Variants in RPLP0 observed in about 807,000 individuals in gnomAD.
The protein encoded by RPLP0 is large ribosomal subunit protein uL10.
For synonymous variants in RPLP0, 137 were observed against 153.4 expected (o/e 0.89, Z 0.79); for missense variants, 276 against 402.9 (o/e 0.69, Z 2.70).
chr12:120,199,971 AC>A (rs1879354091), intron 2 of RPLP0: 1 of 451,412 alleles, frequency 2.2e-6, no homozygotes, highest in Non-Finnish European at 4.4e-6. Flanking sequence ...AAAATGTAAT[AC>A]AAGCTATGCT....
chr12:120,199,577 C>A, intron 2 of RPLP0, 92 bp from the exon 3 acceptor site: 1 of 1,320,858 alleles, frequency 7.6e-7, no homozygotes, highest in South Asian at 1.4e-5. Context: ...TGTTTCCATC[C>A]CACTCCCTTT....
chr12:120,200,766 C>T lies in RPLP0; in HGVS notation c.18G>A (p.Arg6=), dbSNP rs1566329119. MPRED[R]ATWKSNYFLK... Reference sequence around the variant, plus strand: ...GGAAGTAGTTGGACTTCCAGGTCGCCCTGTCTTCCCTGGGCATCACGGCGG... The same window carrying T: ...GGAAGTAGTTGGACTTCCAGGTCGCTCTGTCTTCCCTGGGCATCACGGCGG... The change falls in exon 2 of 8, where the codon AGG becomes AGA. Residue 6 remains arginine (R), a synonymous_variant. Coordinates refer to ENST00000392514, the MANE Select transcript of RPLP0 (RefSeq NM_001002.4). The T allele has an allele frequency of 1.2e-6, 2 of 1,611,396 alleles. No homozygotes were observed. Among genetic ancestry groups the T allele is most frequent in the Non-Finnish European group, 1.7e-6 (2 of 1,179,434 alleles).
Position 120,196,952 on chromosome 12 carries a change from G to A in RPLP0, c.793-18C>T. ...GCCTTGACCTGAAAGGAGGGGGGAA[G>A]TGGTCAAAATGGTCATCCACACTCC... is the stretch of plus-strand genomic sequence containing the variant. On this transcript the variant is annotated intron_variant, in intron 7 of 7. Transcript: ENST00000392514. The A allele has an allele frequency of 6.2e-7, 1 of 1,612,986 alleles. No individual in the cohort carries two copies. The highest frequency in any genetic ancestry group is 1.1e-5 in the South Asian group (1 of 90,782).
intron 2 of RPLP0, chr12:120,200,289 CCT>C (rs1183953486): frequency 5.8e-6 from 2 of 344,120 alleles, no homozygotes; most frequent in Non-Finnish European, 1.1e-5. Context: ...ATGGTGAATC[CCT>C]GTCTCTATTG....
At position 120,197,409 on chromosome 12, in the gene RPLP0, T is replaced by G; in HGVS notation, c.705A>C (p.Ala235=). ...CGTTGATGATAGAATGGGGTACTGA[T>G]GCAACAGTTGGGTAGCCAATCTGCA... ...VCLQIGYPTV[A]SVPHSIINGY... The change falls in exon 7 of 8, where the codon GCA becomes GCC. Residue 235 remains alanine (A), a synonymous_variant. Transcript: ENST00000392514. 6.2e-7 allele frequency: 1 copy of G among 1,613,946 alleles called. No homozygotes were observed. Among genetic ancestry groups the G allele is most frequent in the Non-Finnish European group, 8.5e-7 (1 of 1,179,854 alleles).
At position 120,198,358 on chromosome 12, in the gene RPLP0, C is replaced by T; in HGVS notation, c.651+196G>A. 2 of 595,406 alleles carry T rather than the reference C, an allele frequency of 3.4e-6. No individual in the cohort carries two copies. Among genetic ancestry groups the T allele is most frequent in the East Asian group, 3.1e-5 (1 of 32,778 alleles). 36.9% of individuals were successfully genotyped at this position (595,406 alleles called of 1,614,324 possible). On this transcript the variant is annotated intron_variant, in intron 6 of 7. Coordinates refer to ENST00000392514, the MANE Select transcript of RPLP0 (RefSeq NM_001002.4). The surrounding 1 kb of genome is among the most constrained non-coding windows in gnomAD (Gnocchi z 4.1). ...GGGAGATTGTGCCACTGCACTCCAG[C>T]CTGGGCGACACAGCAAGACTCTGTC... is the stretch of plus-strand genomic sequence containing the variant.
Position 120,200,732 on chromosome 12 carries a change from T to C in RPLP0, c.52A>G (p.Ile18Val), listed in dbSNP as rs1280387299. The change falls in exon 2 of 8, where the codon ATC (isoleucine) becomes GTC (valine). Residue 18 changes from isoleucine to valine, a missense_variant and splice_region_variant. Ile to Val is a conservative substitution (Grantham distance 29, BLOSUM62 3). Transcript: ENST00000392514. Reference sequence around the variant, plus strand: ...GAGGCGACCCACCCTGCACTTACGATGATCTTAAGGAAGTAGTTGGACTTC... The same window carrying C: ...GAGGCGACCCACCCTGCACTTACGACGATCTTAAGGAAGTAGTTGGACTTC... ...TWKSNYFLKI[I>V]QLLDDYPKCF... is the part of the protein sequence containing the mutation. The C allele has an allele frequency of 6.2e-7, 1 of 1,611,014 alleles. No individual in the cohort carries two copies. Among genetic ancestry groups the C allele is most frequent in the Non-Finnish European group, 8.5e-7 (1 of 1,179,002 alleles).
At chr12:120,199,711 TC>T (rs1012112219) in intron 2 of RPLP0, 1 of 525,826 alleles carries the variant, frequency 1.9e-6, no homozygotes, top group African/African-American at 1.9e-5. Flanking sequence ...AGGAGTTTTT[TC>T]TTTTTTTACT....
intron 7 of RPLP0, 37 bp from the exon 8 acceptor site, chr12:120,196,971 A>T (rs772429296): frequency 6.2e-7 from 1 of 1,611,810 alleles, no homozygotes; most frequent in Non-Finnish European, 8.5e-7. Context: ...ATGGTCATCC[A>T]CACTCCTCTA....
At chr12:120,200,899 G>A (rs113376574) in intron 1 of RPLP0, 68 bp from the exon 2 acceptor site, 8 of 1,478,954 alleles carry the variant, frequency 5.4e-6, no homozygotes, top group South Asian at 2.7e-5. Context: ...GGCCTAAGAG[G>A]AGCAGGACAC....
intron 1 of RPLP0, 25 bp downstream of exon 1, chr12:120,201,058 G>T: frequency 2.3e-6 from 1 of 442,070 alleles, no homozygotes; most frequent in East Asian, 3.7e-5. Context: ...GCGACCCCTG[G>T]CGCCCATCTA....
At chr12:120,197,483 T>A (rs1282773004) in intron 6 of RPLP0, 21 bp from the exon 7 acceptor site, 1 of 1,612,272 alleles carries the variant, frequency 6.2e-7, no homozygotes, top group South Asian at 1.1e-5. Flanking sequence ...GAAGATTTCA[T>A]TTTACGTGAG....
chr12:120,199,378 C>T lies in RPLP0; in HGVS notation c.162G>A (p.Leu54=). The stretch of plus-strand genomic sequence containing the variant: ...TGCGCATCATGGTGTTCTTGCCCAT[C>T]AGCACCACAGCCTTCCCGCGAAGGG... ...RMSLRGKAVV[L]MGKNTMMRKA... Residue 54 remains leucine, a synonymous_variant, in exon 3 of 8, where the codon CTG becomes CTA. Transcript: ENST00000392514. 7.4e-6 allele frequency: 12 copies of T among 1,614,196 alleles called. No individual in the cohort carries two copies. Among genetic ancestry groups the T allele is most frequent in the Non-Finnish European group, 9.3e-6 (11 of 1,180,044 alleles).
Position 120,198,524 on chromosome 12 carries a change from G to GT in RPLP0, c.651+29dup. 1 of 1,613,326 alleles carries GT rather than the reference G, an allele frequency of 6.2e-7. No individual in the cohort carries two copies. The highest frequency in any genetic ancestry group is 8.5e-7 in the Non-Finnish European group (1 of 1,179,402). On this transcript the variant is annotated intron_variant, in intron 6 of 7. Transcript: ENST00000392514. This position sits in a 1 kb window ranked among gnomAD's most constrained non-coding sequence, Gnocchi z 4.1. The stretch of plus-strand genomic sequence containing the variant: ...CCTTGTCATGCTCTCAACCATCAGT[G>GT]TAAGAGGGGGCAAGGCTGACAGCAT...
intron 7 of RPLP0, 117 bp from the exon 8 acceptor site, chr12:120,197,051 C>G (rs1307114766): frequency 1.3e-6 from 2 of 1,532,950 alleles, no homozygotes; most frequent in African/African-American, 1.4e-5. Context: ...GAAGCCTTTC[C>G]TGTCAGAAGC....
At position 120,199,502 on chromosome 12, in the gene RPLP0, AGAG is replaced by A. The variant is rs781368783; in HGVS notation, c.55-20_55-18del. 3 of 1,610,436 alleles carry A rather than the reference AGAG, an allele frequency of 1.9e-6. No homozygotes were observed. The South Asian group carries it at 3.3e-5, about 18-fold the overall frequency. ...CAATAGTTGCTACAAAAAACAAGCC[AGAG>A]GAGCCAAGTTTAACAGGAAGAGAGA... On this transcript the variant is annotated intron_variant, in intron 2 of 7. Coordinates refer to ENST00000392514, the MANE Select transcript of RPLP0 (RefSeq NM_001002.4).
chr12:120,199,297 C>G lies in RPLP0; in HGVS notation c.230+13G>C. 6.2e-7 allele frequency: 1 copy of G among 1,613,988 alleles called. No homozygotes were observed. Among genetic ancestry groups the G allele is most frequent in the Non-Finnish European group, 8.5e-7 (1 of 1,179,904 alleles). On this transcript the variant is annotated intron_variant, in intron 3 of 7. Coordinates refer to ENST00000392514, the MANE Select transcript of RPLP0 (RefSeq NM_001002.4). ...CACTGGGGAGAAAGGACAAAACTGC[C>G]AGGGGAACTGACTTCTCCAGAGCTG...
chr12:120,196,700 A>C lies in RPLP0; in HGVS notation c.*73T>G. 6.7e-7 allele frequency: 1 copy of C among 1,497,142 alleles called. No homozygotes were observed. The highest frequency in any genetic ancestry group is 1.4e-5 in the African/African-American group (1 of 71,344). The allele number at this position is 1,497,142 out of a possible 1,614,324, so 92.7% of individuals were successfully genotyped here. On this transcript the variant is annotated 3_prime_UTR_variant, in exon 8 of 8. Transcript: ENST00000392514. ...AAATTACAAAATTAAGAGTCCAGAG[A>C]CTTTTTAAAGAAGTAAGCCTTTATT...
At position 120,199,243 on chromosome 12, in the gene RPLP0, G is replaced by A. The variant is rs116688218; in HGVS notation, c.231-38C>T. The A allele has an allele frequency of 8.0e-4, 1,293 of 1,612,568 alleles. 11 individuals are homozygous for A. The African/African-American group carries it at 0.016, about 19-fold the overall frequency. On this transcript the variant is annotated intron_variant, in intron 3 of 7. Transcript: ENST00000392514. ...GTTTATGGGAGACAATCACCTTTCAGCACCATTCTCCAGGAAGAGGGAGAC... is the reference window on the plus strand; with the variant it reads ...GTTTATGGGAGACAATCACCTTTCAACACCATTCTCCAGGAAGAGGGAGAC...
Sources: gnomAD v4.1 joint callset for allele counts on GRCh38, gnomAD v4.1.1 for gene constraint, Gnocchi (gnomAD v3.1) non-coding constraint, MANE v1.5 for transcripts, NCBI Gene and HGNC (gene_info 2026-07-23, HGNC 2026-07-21) for gene names.